The following ELF1 variants were observed in gnomAD, a reference collection of about 807,000 sequenced individuals.
The protein encoded by ELF1 is ETS-related transcription factor Elf-1.
Under a neutral mutation model 59.9 loss-of-function variants are expected in ELF1, and 24 were observed. The ratio of observed to expected loss-of-function variants is 0.40; its 90% confidence interval spans 0.29 to 0.56. The LOEUF is 0.56. ELF1 is among the 20% of genes least tolerant of loss of function. The pLI, the probability that ELF1 is intolerant of heterozygous loss-of-function variation, is 0.44. For missense variants in ELF1, 627 were observed against 742.2 expected (o/e 0.84, Z 1.80); for synonymous variants, 248 against 266.2 (o/e 0.93, Z 0.67).
chr13:41,019,260 C>G lies in ELF1; in HGVS notation c.-261G>C, dbSNP rs1875592438. 1 of 985,278 alleles carries G rather than the reference C, an allele frequency of 1.0e-6. No individual in the cohort carries two copies. Among genetic ancestry groups the G allele is most frequent in the Admixed American group, 6.2e-5 (1 of 16,252 alleles). The allele number at this position is 985,278 out of a possible 1,614,324, so 61.0% of individuals were successfully genotyped here. A position where few individuals can be genotyped will look rare whatever the true frequency, so the allele number is the denominator to read the frequency against. On this transcript the variant is annotated 5_prime_UTR_variant, in exon 1 of 9. Transcript: ENST00000239882. ...TATTCTTTCTCTATCGTCTTTTGAGCTTGAAAATAAAAAGCAATCCGACAA... is the reference window on the plus strand; with the variant it reads ...TATTCTTTCTCTATCGTCTTTTGAGGTTGAAAATAAAAAGCAATCCGACAA...
At chr13:41,053,790 T>G (rs1246339867) in intron 1 of ELF1, among the ~76,000 whole-genome samples, 2 of 152,236 alleles carry the variant, frequency 1.3e-5, no homozygotes, top group African/African-American at 4.8e-5. Flanking sequence ...TCAAGCTAGT[T>G]TATGAAACTA....
chr13:41,016,789 C>T (rs1159747905), intron 1 of ELF1, among the ~76,000 whole-genome samples: 1 of 150,660 alleles, frequency 6.6e-6, no homozygotes, highest in Non-Finnish European at 1.5e-5. Flanking sequence ...TGGCGCATGC[C>T]TGTAATCCCA....
intron 4 of ELF1, 144 bp downstream of exon 4, chr13:40,951,185 C>A: frequency 1.7e-6 from 1 of 574,624 alleles, no homozygotes; most frequent in Non-Finnish European, 2.8e-6. Context: ...TTTGCAAAGG[C>A]ACCTCAATTC....
chr13:40,950,156 G>A (rs1443483733), intron 4 of ELF1, among the ~76,000 whole-genome samples, 183 bp from the exon 5 acceptor site: 6 of 152,036 alleles, frequency 3.9e-5, no homozygotes, highest in Admixed American at 1.3e-4. Flanking sequence ...CAGGCACGGC[G>A]AGCTATTTCA....
rs74045666 is a variant in ELF1 at position 40,968,144 on chromosome 13, A to G, written c.73-9128T>C. Among the ~76,000 whole-genome samples the G allele has an allele frequency of 6.7e-3, 1,028 of 152,316 alleles. 9 individuals carry two copies. Among genetic ancestry groups the G allele is most frequent in the African/African-American group, 0.024 (981 of 41,564 alleles). On this transcript the variant is annotated intron_variant, in intron 2 of 8. Coordinates refer to ENST00000239882, the MANE Select transcript of ELF1 (RefSeq NM_172373.4). Reference sequence around the variant, plus strand: ...ATGCTTATTACCGACATACATTTTTATATTAATGCTACACTTCAATAAGAA... The same window carrying G: ...ATGCTTATTACCGACATACATTTTTGTATTAATGCTACACTTCAATAAGAA...
intron 1 of ELF1, among the ~76,000 whole-genome samples, chr13:41,045,534 C>T (rs984315057): frequency 6.6e-6 from 1 of 152,182 alleles, no homozygotes; most frequent in African/African-American, 2.4e-5. Context: ...TTTCTGCCTT[C>T]ATTTCGTTAT....
rs535088480 is a variant in ELF1, at chr13:41,031,167, A to AAAAG, written c.-229+29667_-229+29670dup. Among the ~76,000 whole-genome samples the AAAAG allele has an allele frequency of 9.2e-4, 140 of 151,732 alleles. 3 individuals are homozygous for AAAAG. In the East Asian group the frequency reaches 0.01, roughly 11 times the overall value. ...GAGTGAGACCCTATTAAAAAAAAAA[A>AAAAG]AAAGAAAGAAAGAAAGAAAAAAAGA... On this transcript the variant is annotated intron_variant, in intron 1 of 1. Transcript: ENST00000405737.
chr13:40,949,427 A>G (rs929067991), intron 5 of ELF1, among the ~76,000 whole-genome samples: 6 of 152,114 alleles, frequency 3.9e-5, no homozygotes, highest in African/African-American at 1.4e-4. Flanking sequence ...GCATGACCTT[A>G]GCTCGCTGAA....
intron 1 of ELF1, among the ~76,000 whole-genome samples, chr13:41,052,062 T>G (rs1877111480): frequency 6.6e-6 from 1 of 150,960 alleles, no homozygotes. Context: ...TGACACACCC[T>G]TCAAGTAGCT....
chr13:41,056,182 T>A (rs1476778073), intron 1 of ELF1, among the ~76,000 whole-genome samples: 2 of 152,162 alleles, frequency 1.3e-5, no homozygotes, highest in Admixed American at 6.5e-5. Context: ...CCCTATCCCC[T>A]CTAATCCAAG....
rs141584474 is a variant in ELF1 at position 40,944,732 on chromosome 13, A to G, written c.530-807T>C. 5.3e-4 allele frequency among the ~76,000 whole-genome samples: 81 copies of G among 152,320 alleles called. 1 individual carries two copies. The East Asian group carries it at 0.015, about 28-fold the overall frequency. On this transcript the variant is annotated intron_variant, in intron 5 of 8. Coordinates refer to ENST00000239882, the MANE Select transcript of ELF1 (RefSeq NM_172373.4). ...GATCATGCTGTCTGAACATACTACC[A>G]TTCTATATGTGAGAAACAATGAAGA... is the stretch of plus-strand genomic sequence containing the variant.
At chr13:41,054,020 C>A (rs1046255972) in intron 1 of ELF1, among the ~76,000 whole-genome samples, 1 of 152,030 alleles carries the variant, frequency 6.6e-6, no homozygotes, top group Non-Finnish European at 1.5e-5. Context: ...AAAAATATAA[C>A]TCTCAAGGAT....
intron 1 of ELF1, among the ~76,000 whole-genome samples, chr13:41,017,944 C>T (rs1048139791): frequency 5.3e-5 from 8 of 152,196 alleles, no homozygotes; most frequent in Middle Eastern, 6.8e-3. Context: ...GTAAAATGTC[C>T]GCTGTGTCTT....
intron 1 of ELF1, among the ~76,000 whole-genome samples, chr13:41,049,298 T>C (rs1876988910): frequency 6.6e-6 from 1 of 152,158 alleles, no homozygotes. Context: ...CACTTTACCA[T>C]ATGAACAGCT....
chr13:40,934,788 A>G (rs901629715), intron 8 of ELF1, among the ~76,000 whole-genome samples: 1 of 152,204 alleles, frequency 6.6e-6, no homozygotes, highest in African/African-American at 2.4e-5. Flanking sequence ...AAATTCATAT[A>G]ATTGTATTCA....
At chr13:41,055,710 G>T (rs1049974872) in intron 1 of ELF1, among the ~76,000 whole-genome samples, 1 of 151,914 alleles carries the variant, frequency 6.6e-6, no homozygotes. Context: ...CTAGAGAGAG[G>T]GTCTCACCCT....
At chr13:41,036,960 G>A (rs907534485) in intron 1 of ELF1, among the ~76,000 whole-genome samples, 6 of 151,848 alleles carry the variant, frequency 4.0e-5, no homozygotes, top group Non-Finnish European at 8.8e-5. Flanking sequence ...GTTGTGGGGT[G>A]GGGGGAGTGG....
upstream of ELF1, among the ~76,000 whole-genome samples, chr13:41,021,674 G>A (rs1196695581): frequency 5.3e-5 from 8 of 152,108 alleles, no homozygotes; most frequent in Non-Finnish European, 1.2e-4. Context: ...CACAGATTAT[G>A]AGGATTAAAA....
At chr13:40,974,778 C>G (rs781662641) in intron 2 of ELF1, among the ~76,000 whole-genome samples, 1 of 152,192 alleles carries the variant, frequency 6.6e-6, no homozygotes, top group Non-Finnish European at 1.5e-5. Context: ...ACTCCTCTTT[C>G]ATAACAACTA....
Sources: gnomAD v4.1 joint callset for allele counts (sites outside exome capture counted in the v4.1 genomes callset) on GRCh38, gnomAD v4.1.1 for gene constraint, MANE v1.5 for transcripts, NCBI Gene and HGNC (gene_info 2026-07-23, HGNC 2026-07-21) for gene names.